Variants in TMTC2 observed in about 807,000 individuals in gnomAD.
TMTC2 encodes protein O-mannosyl-transferase TMTC2.
In TMTC2, 43 loss-of-function variants were observed where a neutral mutation model predicts 82.4. That is an observed-to-expected ratio of 0.52 (90% CI 0.41 to 0.67). TMTC2 has a LOEUF of 0.67. TMTC2 is among the 30% of genes least tolerant of loss of function. The pLI is 0.00. For synonymous variants in TMTC2, 408 were observed against 381.9 expected, an observed-to-expected ratio of 1.07 and a Z score of -0.80; for missense variants, 919 against 1,012.4, an observed-to-expected ratio of 0.91 and a Z score of 1.25.
intron 1 of TMTC2, chr12:82,690,443 C>T: frequency 2.1e-6 from 2 of 973,052 alleles, no homozygotes; most frequent in Non-Finnish European, 2.4e-6. Context: ...TCAAGGTTAT[C>T]ATTTCTTTTA....
intron 8 of TMTC2, among the ~76,000 whole-genome samples, chr12:82,993,332 A>G (rs1879477677): frequency 6.6e-6 from 1 of 151,956 alleles, no homozygotes; most frequent in Non-Finnish European, 1.5e-5. Flanking sequence ...TGACCCTTGA[A>G]CAACACAAGT....
intron 11 of TMTC2, among the ~76,000 whole-genome samples, chr12:83,112,953 C>T (rs909035214): frequency 2.0e-5 from 3 of 152,138 alleles, no homozygotes; most frequent in Non-Finnish European, 2.9e-5. Context: ...ACAGATGAGT[C>T]TGAAAGAAAT....
chr12:82,707,383 A>T (rs1203298135), intron 1 of TMTC2, among the ~76,000 whole-genome samples: 1 of 152,234 alleles, frequency 6.6e-6, no homozygotes. Flanking sequence ...GATTTAACAT[A>T]GGAATTTTCA....
intron 4 of TMTC2, among the ~76,000 whole-genome samples, chr12:82,933,766 G>A (rs956095407): frequency 6.6e-6 from 1 of 152,146 alleles, no homozygotes; most frequent in African/African-American, 2.4e-5. Context: ...CTACATCTAA[G>A]TAGCACATAG....
At chr12:82,985,120 G>A (rs1302566341) in intron 7 of TMTC2, among the ~76,000 whole-genome samples, 2 of 151,922 alleles carry the variant, frequency 1.3e-5, no homozygotes, top group Non-Finnish European at 2.9e-5. Context: ...GTGCAGTCGT[G>A]CGATCAGGGC....
intron 4 of TMTC2, among the ~76,000 whole-genome samples, chr12:82,937,976 G>C (rs1297744807): frequency 6.8e-6 from 1 of 146,674 alleles, no homozygotes; most frequent in Admixed American, 6.9e-5. Context: ...GTGCAGTGGC[G>C]TGATCTCAGC....
intron 7 of TMTC2, among the ~76,000 whole-genome samples, chr12:82,985,515 G>T (rs1020642518): frequency 6.6e-6 from 1 of 151,962 alleles, no homozygotes; most frequent in Non-Finnish European, 1.5e-5. Flanking sequence ...CCTTTATAAG[G>T]CTTTCCACTT....
At chr12:82,714,291 G>A (rs1012682966) in intron 1 of TMTC2, among the ~76,000 whole-genome samples, 1 of 152,022 alleles carries the variant, frequency 6.6e-6, no homozygotes, top group African/African-American at 2.4e-5. Context: ...ACTTGAAACC[G>A]ATAAATTTTA....
chr12:83,061,952 T>C, intron 11 of TMTC2, 121 bp downstream of exon 11: 1 of 695,860 alleles, frequency 1.4e-6, no homozygotes. Flanking sequence ...GTTTTTTCTT[T>C]CTCCCTTTCT....
Position 82,965,168 on chromosome 12 carries a change from C to G in TMTC2, c.1684+59C>G, listed in dbSNP as rs181334966. 139 of 1,271,774 alleles carry G rather than the reference C, an allele frequency of 1.1e-4. No homozygotes were observed. The African/African-American group carries it at 1.3e-3, about 12-fold the overall frequency. The allele number at this position is 1,271,774 out of a possible 1,614,324, so 78.8% of individuals were successfully genotyped here. Reference sequence around the variant, plus strand: ...CTCTTTCCATATTTGAAAATTAACTCTAATTTACAGCCTCACTGAGAAAAC... The same window carrying G: ...CTCTTTCCATATTTGAAAATTAACTGTAATTTACAGCCTCACTGAGAAAAC... On this transcript the variant is annotated intron_variant, in intron 5 of 11. Coordinates refer to ENST00000321196, the MANE Select transcript of TMTC2 (RefSeq NM_152588.3).
rs140451366 is a variant in TMTC2, at chr12:82,863,062, C to T, written c.654+5482C>T. 4.5e-3 allele frequency among the ~76,000 whole-genome samples: 685 copies of T among 152,194 alleles called. 4 individuals carry two copies. Among genetic ancestry groups the T allele is most frequent in the Non-Finnish European group, 6.5e-3 (445 of 68,008 alleles). On this transcript the variant is annotated intron_variant, in intron 2 of 11. Transcript: ENST00000321196. ...ATATTGAATCCACATGTGCTTTTTC[C>T]GTTAGTTGCTGGGGATGGCTTTGAT...
At position 82,973,238 on chromosome 12, in the gene TMTC2, A is replaced by G. The variant is rs368717571; in HGVS notation, c.1948+6241A>G. Among the ~76,000 whole-genome samples, 21 of 152,320 alleles carry G rather than the reference A, an allele frequency of 1.4e-4. No homozygotes were observed. In the South Asian group the frequency reaches 4.3e-3, roughly 32 times the overall value. On this transcript the variant is annotated intron_variant, in intron 7 of 11. Transcript: ENST00000321196. The stretch of plus-strand genomic sequence containing the variant: ...ATGAGGCAATCCTACGAATATGAAT[A>G]TGACCATATAACTGGATTAGTCATT...
Position 82,856,906 on chromosome 12 carries a change from A to G in TMTC2, c.84-104A>G, listed in dbSNP as rs997228702. ...GTGCCTGGAATCCCATCACAAAGCT[A>G]CATAGTAACAAAGCTTCTGAGAAAG... On this transcript the variant is annotated intron_variant, in intron 1 of 11. Coordinates refer to ENST00000321196, the MANE Select transcript of TMTC2 (RefSeq NM_152588.3). The G allele has an allele frequency of 3.9e-5, 44 of 1,126,226 alleles. No homozygotes were observed. The African/African-American group carries it at 6.5e-4, about 17-fold the overall frequency. 69.8% of individuals were successfully genotyped at this position (1,126,226 alleles called of 1,614,324 possible). A position where few individuals can be genotyped will look rare whatever the true frequency, so the allele number is the denominator to read the frequency against.
At chr12:82,951,311 A>G (rs1259150845) in intron 4 of TMTC2, among the ~76,000 whole-genome samples, 1 of 137,436 alleles carries the variant, frequency 7.3e-6, no homozygotes, top group Non-Finnish European at 1.6e-5. Flanking sequence ...TTTTTTTTTG[A>G]AATGGAGTCT....
At chr12:82,902,817 A>G (rs1331740850) in intron 3 of TMTC2, among the ~76,000 whole-genome samples, 2 of 152,174 alleles carry the variant, frequency 1.3e-5, no homozygotes, top group Admixed American at 1.3e-4. Context: ...GCCTCATGTA[A>G]TATGCCTTTG....
At chr12:82,938,209 C>T (rs1229263844) in intron 4 of TMTC2, among the ~76,000 whole-genome samples, 7 of 151,848 alleles carry the variant, frequency 4.6e-5, no homozygotes, top group Non-Finnish European at 5.9e-5. Context: ...TCACTGTGCC[C>T]GACCTTTTTA....
chr12:82,689,861 T>C (rs1320161885), intron 1 of TMTC2, among the ~76,000 whole-genome samples: 1 of 152,240 alleles, frequency 6.6e-6, no homozygotes, highest in Non-Finnish European at 1.5e-5. Context: ...GATGTCTAGA[T>C]AGTATATATT....
chr12:82,964,112 T>C (rs1270505102), intron 4 of TMTC2, among the ~76,000 whole-genome samples: 1 of 151,692 alleles, frequency 6.6e-6, no homozygotes, highest in South Asian at 2.1e-4. Flanking sequence ...AATCTGCAAT[T>C]TGAGATGATA....
intron 1 of TMTC2, among the ~76,000 whole-genome samples, chr12:82,738,555 G>C (rs11835050): frequency 6.6e-6 from 1 of 152,252 alleles, no homozygotes; most frequent in South Asian, 2.1e-4. Flanking sequence ...TTTTATAGTA[G>C]TATTCAGGTG....
Sources: gnomAD v4.1 joint callset for allele counts (sites outside exome capture counted in the v4.1 genomes callset) on GRCh38, gnomAD v4.1.1 for gene constraint, MANE v1.5 for transcripts, NCBI Gene and HGNC (gene_info 2026-07-23, HGNC 2026-07-21) for gene names.